The following YIPF6 variants were observed in gnomAD, a reference collection of about 807,000 sequenced individuals.
The protein encoded by YIPF6 is Yip1 domain family member 6.
YIPF6 carries 3 observed loss-of-function variants against 16.8 expected under a neutral mutation model. That is an observed-to-expected ratio of 0.18 (90% CI 0.08 to 0.46). YIPF6 has a LOEUF of 0.46. Among genes scored for constraint, YIPF6 ranks in the 20% least tolerant of loss-of-function variants. YIPF6 has a pLI of 0.98. For synonymous variants in YIPF6, 67 were observed against 61.9 expected (o/e 1.08, Z -0.38); for missense variants, 145 against 184.9 (o/e 0.78, Z 1.25).
Position 68,533,125 on chromosome X carries a change from G to A in YIPF6, c.*1126G>A, listed in dbSNP as rs2079178308. On this transcript the variant is annotated 3_prime_UTR_variant, in exon 7 of 7. Transcript: ENST00000462683. The stretch of plus-strand genomic sequence containing the variant: ...GGTGAGCTTAGCAGTTTTCTCATTA[G>A]ATGTGTTTTTTTGGGTTGGGGAATA... 8.9e-6 allele frequency: 1 copy of A among 112,033 alleles called. No individual in the cohort carries two copies. The highest frequency in any genetic ancestry group is 9.5e-5 in the Admixed American group (1 of 10,488). The allele number at this position is 112,033 out of a possible 1,213,427, so 9.2% of individuals were successfully genotyped here. A position where few individuals can be genotyped will look rare whatever the true frequency, so the allele number is the denominator to read the frequency against.
At chrX:68,529,646 A>C (rs1297269124) in intron 6 of YIPF6, among the ~76,000 whole-genome samples, 1 of 111,634 alleles carries the variant, frequency 9.0e-6, no homozygotes, top group Non-Finnish European at 1.9e-5. Flanking sequence ...GGTGACCTTC[A>C]GATGGGGTTT....
chrX:68,518,852 A>C (rs2079114513), intron 4 of YIPF6, 40 bp downstream of exon 4: 3 of 1,128,046 alleles, frequency 2.7e-6, no homozygotes, highest in Non-Finnish European at 1.2e-6. Flanking sequence ...TTTGAGCTAG[A>C]CTAGACTTTT....
chrX:68,533,856 T>C lies in YIPF6; in HGVS notation c.*1857T>C, dbSNP rs1341035905. ...TTACTTCCTGCTAAAACTCTCTTTC[T>C]GCCAAAGTTGTTTCGTAATCTGTCT... On this transcript the variant is annotated 3_prime_UTR_variant, in exon 7 of 7. Coordinates refer to ENST00000462683, the MANE Select transcript of YIPF6 (RefSeq NM_173834.4). The C allele has an allele frequency of 8.9e-6, 1 of 112,326 alleles. No individual in the cohort carries two copies. The highest frequency in any genetic ancestry group is 3.7e-4 in the South Asian group (1 of 2,732). 9.3% of individuals were successfully genotyped at this position (112,326 alleles called of 1,213,427 possible). A position where few individuals can be genotyped will look rare whatever the true frequency, so the allele number is the denominator to read the frequency against.
chrX:68,510,551 GTTTTATTTTA>G lies in YIPF6; in HGVS notation c.58-1281_58-1272del, dbSNP rs1191129468. The G allele has an allele frequency of 2.1e-3, 220 of 105,170 alleles. 1 individual carries two copies. Among genetic ancestry groups the G allele is most frequent in the African/African-American group, 7.5e-3 (209 of 27,836 alleles). 8.7% of individuals were successfully genotyped at this position (105,170 alleles called of 1,213,427 possible). ...TGAGTGTGGTTAAGAAATTGTTTTT[GTTTTATTTTA>G]TTTTATTTTATTTTATATTTTATAT... On this transcript the variant is annotated intron_variant, in intron 1 of 6. Transcript: ENST00000462683.
rs1390993746 is a variant in YIPF6 at position 68,511,373 on chromosome X, A to G, written c.58-476A>G. On this transcript the variant is annotated intron_variant, in intron 1 of 6. Transcript: ENST00000462683. ...GCTCTGTGATTGCCAGGTAACCTGT[A>G]AAGACTGTAATCAAGGTATATTTTG... 3.6e-5 allele frequency among the ~76,000 whole-genome samples: 4 copies of G among 112,486 alleles called. No homozygotes were observed. In the East Asian group the frequency reaches 1.1e-3, roughly 31 times the overall value.
intron 4 of YIPF6, among the ~76,000 whole-genome samples, chrX:68,519,273 A>G (rs896811800): frequency 4.5e-5 from 5 of 111,171 alleles, no homozygotes; most frequent in African/African-American, 9.8e-5. Flanking sequence ...AGGACGGGGA[A>G]GGAGAAGAAG....
In YIPF6 at chrX:68,534,619, A is replaced by G. The variant is rs2079184688; in HGVS notation, c.*2620A>G. The G allele has an allele frequency of 9.0e-6, 1 of 111,498 alleles. No homozygotes were observed. Among genetic ancestry groups the G allele is most frequent in the Non-Finnish European group, 1.9e-5 (1 of 53,159 alleles). 9.2% of individuals were successfully genotyped at this position (111,498 alleles called of 1,213,427 possible). ...TGAAGGTTGATAAAATGGATGTTCAATTGTCTTTCTGAAAGTGAGTGGCTT... is the reference window on the plus strand; with the variant it reads ...TGAAGGTTGATAAAATGGATGTTCAGTTGTCTTTCTGAAAGTGAGTGGCTT... On this transcript the variant is annotated 3_prime_UTR_variant, in exon 7 of 7. Transcript: ENST00000462683.
chrX:68,531,973 A>G lies in YIPF6; in HGVS notation c.685A>G (p.Met229Val). Reference sequence around the variant, plus strand: ...CCTGTTTTACTTTGTCATCAGTTGGATGATTCTCACCTTTACTCCTCAGTA... The same window carrying G: ...CCTGTTTTACTTTGTCATCAGTTGGGTGATTCTCACCTTTACTCCTCAGTA... ...VFLFYFVISWMILTFTPQ is the reference protein window; with the variant it reads ...VFLFYFVISWVILTFTPQ Residue 229 changes from methionine (M) to valine (V), a missense_variant, in exon 7 of 7, where the codon ATG (methionine) becomes GTG (valine). Met to Val is a conservative substitution (Grantham distance 21). Coordinates refer to ENST00000462683, the MANE Select transcript of YIPF6 (RefSeq NM_173834.4). 8.3e-7 allele frequency: 1 copy of G among 1,205,057 alleles called. No homozygotes were observed. The highest frequency in any genetic ancestry group is 1.1e-6 in the Non-Finnish European group (1 of 890,402).
At chrX:68,530,437 G>A (rs2079166519) in intron 6 of YIPF6, among the ~76,000 whole-genome samples, 1 of 110,593 alleles carries the variant, frequency 9.0e-6, no homozygotes, top group Non-Finnish European at 1.9e-5. Context: ...TAGACCACTT[G>A]GCTCCCTGGC....
At chrX:68,514,239 A>AAAAT (rs1555998141) in intron 3 of YIPF6, 54 of 94,689 alleles carry the variant, frequency 5.7e-4, no homozygotes, top group African/African-American at 1.6e-3. Context: ...AAAAAAAAAA[A>AAAAT]ATATATATAT....
intron 6 of YIPF6, among the ~76,000 whole-genome samples, chrX:68,530,008 G>A (rs901009299): frequency 8.9e-6 from 1 of 111,992 alleles, no homozygotes; most frequent in African/African-American, 3.2e-5. Flanking sequence ...AGCACTGTGC[G>A]CTGCTCTCTT....
At position 68,532,405 on chromosome X, in the gene YIPF6, G is replaced by A. The variant is rs1480312758; in HGVS notation, c.*406G>A. 2 of 115,134 alleles carry A rather than the reference G, an allele frequency of 1.7e-5. No homozygotes were observed. Among genetic ancestry groups the A allele is most frequent in the Non-Finnish European group, 3.6e-5 (2 of 55,721 alleles). 9.5% of individuals were successfully genotyped at this position (115,134 alleles called of 1,213,427 possible). On this transcript the variant is annotated 3_prime_UTR_variant, in exon 7 of 7. Coordinates refer to ENST00000462683, the MANE Select transcript of YIPF6 (RefSeq NM_173834.4). ...TTCAGGTGCAGCTCTTAAACACATT[G>A]CCTTATGACTATTAGAATATGCCTC...
At chrX:68,530,686 A>G (rs1972381922) in intron 6 of YIPF6, among the ~76,000 whole-genome samples, 2 of 110,402 alleles carry the variant, frequency 1.8e-5, no homozygotes, top group African/African-American at 6.6e-5. Context: ...TCCTCATGGC[A>G]CAGTCCCTCA....
rs756022138 is a variant in YIPF6, at chrX:68,522,980, C to T, written c.592+63C>T. The T allele has an allele frequency of 5.2e-6, 6 of 1,158,805 alleles. No individual in the cohort carries two copies. In the Admixed American group the frequency reaches 1.4e-4, roughly 27 times the overall value. On this transcript the variant is annotated intron_variant, in intron 6 of 6. Coordinates refer to ENST00000462683, the MANE Select transcript of YIPF6 (RefSeq NM_173834.4). Reference sequence around the variant, plus strand: ...AAAAACATGATTTAATGATGAAGACCAGATGAGGAGCAGTATAAGTCCAAA... The same window carrying T: ...AAAAACATGATTTAATGATGAAGACTAGATGAGGAGCAGTATAAGTCCAAA...
chrX:68,532,599 C>CAAAAA lies in YIPF6; in HGVS notation c.*615_*619dup, dbSNP rs58273451. ...ATCAGGGGAAATTCTACACTTGTTG[C>CAAAAA]AAAAAAAAAAAAAAAAAAAGCAAAG... On this transcript the variant is annotated 3_prime_UTR_variant, in exon 7 of 7. Coordinates refer to ENST00000462683, the MANE Select transcript of YIPF6 (RefSeq NM_173834.4). 4.5e-5 allele frequency: 2 copies of CAAAAA among 44,451 alleles called. No homozygotes were observed. Among genetic ancestry groups the CAAAAA allele is most frequent in the African/African-American group, 7.4e-5 (1 of 13,593 alleles). The allele number at this position is 44,451 out of a possible 1,213,427, so 3.7% of individuals were successfully genotyped here.
At position 68,533,208 on chromosome X, in the gene YIPF6, G is replaced by T. The variant is rs771305226; in HGVS notation, c.*1209G>T. 9.0e-6 allele frequency: 1 copy of T among 111,654 alleles called. No individual in the cohort carries two copies. The highest frequency in any genetic ancestry group is 2.8e-4 in the East Asian group (1 of 3,575). The allele number at this position is 111,654 out of a possible 1,213,427, so 9.2% of individuals were successfully genotyped here. On this transcript the variant is annotated 3_prime_UTR_variant, in exon 7 of 7. Transcript: ENST00000462683. Reference sequence around the variant, plus strand: ...AGCTAATTAGCTCCCCTTTAGATAAGTACATGTTGCACATGTGCACCTACT... The same window carrying T: ...AGCTAATTAGCTCCCCTTTAGATAATTACATGTTGCACATGTGCACCTACT...
chrX:68,528,609 G>T (rs2079158899), intron 6 of YIPF6, among the ~76,000 whole-genome samples: 1 of 112,023 alleles, frequency 8.9e-6, no homozygotes, highest in Non-Finnish European at 1.9e-5. Context: ...CGTTTTTGCA[G>T]TGGCTGGTAC....
At position 68,537,141 on chromosome X, in the gene YIPF6, C is replaced by T. The variant is rs1343990743; in HGVS notation, c.*5142C>T. On this transcript the variant is annotated 3_prime_UTR_variant, in exon 7 of 7. Transcript: ENST00000462683. ...ACTCTGTTCTTTCAGAGCCTTTGTA[C>T]TTTGCCATCACTGCTAGTAATTTCT... is the stretch of plus-strand genomic sequence containing the variant. The T allele has an allele frequency of 8.9e-6, 1 of 112,294 alleles. No homozygotes were observed. Among genetic ancestry groups the T allele is most frequent in the Non-Finnish European group, 1.9e-5 (1 of 53,281 alleles). 9.3% of individuals were successfully genotyped at this position (112,294 alleles called of 1,213,427 possible).
chrX:68,521,277 C>T, intron 4 of YIPF6, 95 bp from the exon 5 acceptor site: 1 of 1,029,722 alleles, frequency 9.7e-7, no homozygotes. Context: ...TGAGGTATGG[C>T]ACAGCAATCT....
Sources: gnomAD v4.1 joint callset for allele counts (sites outside exome capture counted in the v4.1 genomes callset) on GRCh38, gnomAD v4.1.1 for gene constraint, MANE v1.5 for transcripts, NCBI Gene and HGNC (gene_info 2026-07-23, HGNC 2026-07-21) for gene names.